The following CTSF variants were observed in gnomAD, a reference collection of about 807,000 sequenced individuals.
CTSF encodes cathepsin F.
In CTSF, 65 loss-of-function variants were observed where a neutral mutation model predicts 63.5. The observed-to-expected ratio is 1.02, with a 90% confidence interval of 0.84 to 1.26. CTSF has a LOEUF of 1.26. Among genes scored for constraint, CTSF ranks in the 50% most tolerant of loss-of-function variants. The pLI is 0.00. For synonymous variants in CTSF, 256 were observed against 258.1 expected (o/e 0.99, Z 0.08); for missense variants, 641 against 631.0 (o/e 1.02, Z -0.17).
rs1205821812 is a variant in CTSF at position 66,568,428 on chromosome 11, G to A, written c.59C>T (p.Ala20Val). 8 of 1,367,532 alleles carry A rather than the reference G, an allele frequency of 5.8e-6. No individual in the cohort carries two copies. Among genetic ancestry groups the A allele is most frequent in the Non-Finnish European group, 6.5e-6 (7 of 1,070,746 alleles). 84.7% of individuals were successfully genotyped at this position (1,367,532 alleles called of 1,614,324 possible). The change falls in exon 1 of 13, where the codon GCC (alanine) becomes GTC (valine). Residue 20 changes from alanine to valine, a missense_variant. By Grantham distance (64) the Ala-to-Val change is moderately conservative (BLOSUM62 0). Coordinates refer to ENST00000310325, the MANE Select transcript of CTSF (RefSeq NM_003793.4). The part of the protein sequence containing the change: ...LLGLLPGAVA[A>V]PAQPRAASFQ... Reference sequence around the variant, plus strand: ...GCTGGCGGCTCGGGGCTGGGCGGGGGCGGCCACTGCGCCCGGGAGCAGCCC... The same window carrying A: ...GCTGGCGGCTCGGGGCTGGGCGGGGACGGCCACTGCGCCCGGGAGCAGCCC...
At position 66,563,929 on chromosome 11, in the gene CTSF, C is replaced by G. The variant is rs1159043066; in HGVS notation, c.*4G>C. Reference sequence around the variant, plus strand: ...GCACCAGGTCCCGAGCTGGGGGCCCCTCTTCAGTCCACCACCGCCGAGCTG... The same window carrying G: ...GCACCAGGTCCCGAGCTGGGGGCCCGTCTTCAGTCCACCACCGCCGAGCTG... On this transcript the variant is annotated 3_prime_UTR_variant, in exon 13 of 13. Coordinates refer to ENST00000310325, the MANE Select transcript of CTSF (RefSeq NM_003793.4). 6.2e-7 allele frequency: 1 copy of G among 1,612,184 alleles called. No homozygotes were observed. Among genetic ancestry groups the G allele is most frequent in the Non-Finnish European group, 8.5e-7 (1 of 1,179,994 alleles).
At chr11:66,566,243 G>A (rs186275453) in intron 5 of CTSF, 48 bp downstream of exon 5, 2 of 1,613,796 alleles carry the variant, frequency 1.2e-6, no homozygotes, top group Non-Finnish European at 1.7e-6. Flanking sequence ...TTGCGAGCAA[G>A]GTCCTGTCTC....
intron 2 of CTSF, 133 bp from the exon 3 acceptor site, chr11:66,567,795 G>T: frequency 7.1e-7 from 1 of 1,406,272 alleles, no homozygotes; most frequent in Non-Finnish European, 9.5e-7. Context: ...AGTGGACAGT[G>T]AGGCACGGCC....
At chr11:66,564,390 T>A in intron 11 of CTSF, 168 bp downstream of exon 11, 1 of 787,290 alleles carries the variant, frequency 1.3e-6, no homozygotes, top group Non-Finnish European at 2.0e-6. Context: ...CAGCTCAGCT[T>A]CCCTGCCATA....
intron 8 of CTSF, among the ~76,000 whole-genome samples, 157 bp from the exon 9 acceptor site, chr11:66,565,163 C>T (rs1305337502): frequency 6.6e-6 from 1 of 152,210 alleles, no homozygotes; most frequent in Admixed American, 6.5e-5. Context: ...AGAAATGACA[C>T]ATCTGAGGCT....
Position 66,566,048 on chromosome 11 carries a change from C to A in CTSF, c.841G>T (p.Gly281Trp), listed in dbSNP as rs762458462. Residue 281 changes from glycine (G) to tryptophan (W), a missense_variant, in exon 6 of 13, where the codon GGG becomes TGG. Gly to Trp is a radical substitution (Grantham distance 184). Transcript: ENST00000310325. ...TGGTCTTTGACTTTTGTGACAGCCC[C>A]CTTACTCCTCCAGTCCCATTCAGGT... ...APPEWDWRSK[G>W]AVTKVKDQGM... 1.2e-6 allele frequency: 2 copies of A among 1,614,194 alleles called. No individual in the cohort carries two copies. Among genetic ancestry groups the A allele is most frequent in the Admixed American group, 3.3e-5 (2 of 60,026 alleles).
intron 4 of CTSF, among the ~76,000 whole-genome samples, chr11:66,566,860 A>G (rs528622732): frequency 6.6e-6 from 1 of 152,014 alleles, no homozygotes; most frequent in African/African-American, 2.4e-5. Context: ...AGTAGCTGGT[A>G]TACAGGTGTG....
Position 66,566,015 on chromosome 11 carries a change from G to T in CTSF, c.867+7C>A, listed in dbSNP as rs577007516. The T allele has an allele frequency of 4.0e-5, 65 of 1,614,140 alleles. No individual in the cohort carries two copies. The African/African-American group carries it at 8.4e-4, about 21-fold the overall frequency. ...CCATGTCCCACCCTCACTTCCAGGG[G>T]TCCAACCTGGTCTTTGACTTTTGTG... On this transcript the variant is annotated splice_region_variant and intron_variant, in intron 6 of 12. Transcript: ENST00000310325.
Position 66,564,894 on chromosome 11 carries a change from G to A in CTSF, c.1158C>T (p.Asn386=), listed in dbSNP as rs116329758. The change falls in exon 9 of 13, where the codon AAC becomes AAT. Residue 386 remains asparagine (N), a synonymous_variant. Coordinates refer to ENST00000310325, the MANE Select transcript of CTSF (RefSeq NM_003793.4). ...YINDSVELSQ[N]EQKLAAWLAK... ...ACCCTGCCCCTCACTCACTCTGCTC[G>A]TTCTGGCTCAGCTCCACGGAGTCAT... 8.1e-4 allele frequency: 1,302 copies of A among 1,612,372 alleles called. 10 individuals are homozygous for A. In the African/African-American group the frequency reaches 0.015, roughly 19 times the overall value.
At position 66,563,793 on chromosome 11, in the gene CTSF, C is replaced by T; in HGVS notation, c.*140G>A. ...AGGGAAGCAGGGGCTGTGCCCCAGCCCAGTGCCCTCTGCTCACCCTGAGGT... is the reference window on the plus strand; with the variant it reads ...AGGGAAGCAGGGGCTGTGCCCCAGCTCAGTGCCCTCTGCTCACCCTGAGGT... On this transcript the variant is annotated 3_prime_UTR_variant, in exon 13 of 13. Transcript: ENST00000310325. The T allele has an allele frequency of 9.8e-7, 1 of 1,019,128 alleles. No homozygotes were observed. 63.1% of individuals were successfully genotyped at this position (1,019,128 alleles called of 1,614,324 possible).
At chr11:66,565,579 T>A in intron 8 of CTSF, 92 bp downstream of exon 8, 1 of 1,550,956 alleles carries the variant, frequency 6.4e-7, no homozygotes, top group Non-Finnish European at 8.9e-7. Context: ...TCTGTGTAAC[T>A]CTCATGCTCA....
At chr11:66,566,746 CAG>C (rs1285171976) in intron 4 of CTSF, among the ~76,000 whole-genome samples, 2 of 149,984 alleles carry the variant, frequency 1.3e-5, no homozygotes, top group Non-Finnish European at 3.0e-5. Context: ...TTTTTTGAGA[CAG>C]AGTTTTCGCT....
Position 66,565,852 on chromosome 11 carries a change from G to A in CTSF, c.943C>T (p.Leu315=), listed in dbSNP as rs748637318. The change falls in exon 7 of 13, where the codon CTG becomes TTG. Residue 315 remains leucine, a synonymous_variant. Transcript: ENST00000310325. ...TCACCCTGTTCAGAGAGGGAGAGCA[G>A]GGTCCCCTGGTTGAGAAACCACTGG... ...EGQWFLNQGT[L]LSLSEQELLD... 6.2e-7 allele frequency: 1 copy of A among 1,614,026 alleles called. No individual in the cohort carries two copies. The highest frequency in any genetic ancestry group is 8.5e-7 in the Non-Finnish European group (1 of 1,180,026).
At chr11:66,564,396 C>A in intron 11 of CTSF, 162 bp downstream of exon 11, 1 of 793,050 alleles carries the variant, frequency 1.3e-6, no homozygotes, top group Non-Finnish European at 2.0e-6. Context: ...AGCTTCCCTG[C>A]CATAGAGAGG....
At chr11:66,565,198 G>A (rs1056056981) in intron 8 of CTSF, among the ~76,000 whole-genome samples, 192 bp from the exon 9 acceptor site, 2 of 152,180 alleles carry the variant, frequency 1.3e-5, no homozygotes, top group Non-Finnish European at 2.9e-5. Context: ...GGAGGGACCA[G>A]TAGCCAGCAA....
In CTSF at chr11:66,563,752, G is replaced by T. The variant is rs560586079; in HGVS notation, c.*181C>A. The stretch of plus-strand genomic sequence containing the variant: ...CAAAGGTGCAGGTGCAGAACTTCAG[G>T]GTGGGAATGGGGTGCAGGGAAGCAG... On this transcript the variant is annotated 3_prime_UTR_variant, in exon 13 of 13. Transcript: ENST00000310325. The T allele has an allele frequency of 2.9e-6, 2 of 687,452 alleles. No homozygotes were observed. The highest frequency in any genetic ancestry group is 4.8e-6 in the Non-Finnish European group (2 of 413,864). The allele number at this position is 687,452 out of a possible 1,614,324, so 42.6% of individuals were successfully genotyped here. A position where few individuals can be genotyped will look rare whatever the true frequency, so the allele number is the denominator to read the frequency against.
chr11:66,567,352 C>A (rs1294777882), intron 3 of CTSF, 31 bp from the exon 4 acceptor site: 1 of 1,613,964 alleles, frequency 6.2e-7, no homozygotes, highest in Admixed American at 1.7e-5. Flanking sequence ...TTAGGCTGAC[C>A]AGAGAAACCC....
intron 8 of CTSF, 29 bp from the exon 9 acceptor site, chr11:66,565,035 G>A: frequency 1.3e-6 from 2 of 1,523,202 alleles, no homozygotes; most frequent in Non-Finnish European, 8.8e-7. Context: ...GAGTAGAGAA[G>A]GGCAGGCTCC....
At position 66,564,195 on chromosome 11, in the gene CTSF, C is replaced by A. The variant is rs11227533; in HGVS notation, c.1322-49G>T. The stretch of plus-strand genomic sequence containing the variant: ...GGATCAGGGTCCTTAATTCTCCAGG[C>A]AGAGCCTTAATCACTTTGCACCCTT... On this transcript the variant is annotated intron_variant, in intron 11 of 12. Transcript: ENST00000310325. The A allele has an allele frequency of 4.8e-3, 7,549 of 1,575,948 alleles. 19 individuals carry two copies. Among genetic ancestry groups the A allele is most frequent in the Non-Finnish European group, 5.7e-3 (6,559 of 1,159,336 alleles).
Sources: gnomAD v4.1 joint callset for allele counts (sites outside exome capture counted in the v4.1 genomes callset) on GRCh38, gnomAD v4.1.1 for gene constraint, MANE v1.5 for transcripts, NCBI Gene and HGNC (gene_info 2026-07-23, HGNC 2026-07-21) for gene names.